SLC4A4: variants seen among roughly 807,000 people sequenced by gnomAD.
SLC4A4 encodes the protein electrogenic sodium bicarbonate cotransporter 1.
In SLC4A4, 27 loss-of-function variants were observed where a neutral mutation model predicts 111.5. The observed-to-expected ratio is 0.24, with a 90% confidence interval of 0.18 to 0.33. The LOEUF (loss-of-function observed/expected upper bound fraction) is 0.33, where lower values mean the gene tolerates loss of function less well. Ranked by LOEUF, SLC4A4 falls within the 10% of genes least tolerant of loss-of-function variation. The pLI is 1.00. For missense variants in SLC4A4, 909 were observed against 1,315.5 expected, an observed-to-expected ratio of 0.69 and a Z score of 4.78; for synonymous variants, 443 against 463.4, an observed-to-expected ratio of 0.96 and a Z score of 0.57.
intron 7 of SLC4A4, among the ~76,000 whole-genome samples, chr4:71,422,271 C>T (rs1233074148): frequency 1.4e-5 from 2 of 143,514 alleles, no homozygotes; most frequent in East Asian, 4.0e-4. Flanking sequence ...CATACACTCT[C>T]CCAAGACTAA....
intron 3 of SLC4A4, among the ~76,000 whole-genome samples, chr4:71,268,075 G>GTGT (rs1722422390): frequency 1.1e-5 from 1 of 87,590 alleles, no homozygotes; most frequent in Non-Finnish European, 2.0e-5. Flanking sequence ...ATAAAGTAGT[G>GTGT]TTTTTTTTTT....
intron 17 of SLC4A4, 122 bp downstream of exon 17, chr4:71,532,297 A>C: frequency 1.4e-6 from 1 of 727,148 alleles, no homozygotes; most frequent in African/African-American, 1.8e-5. Context: ...TTTTTCCAAA[A>C]TCAGTCCCTC....
At chr4:71,443,554 G>A (rs1724966341) in intron 8 of SLC4A4, among the ~76,000 whole-genome samples, 1 of 152,156 alleles carries the variant, frequency 6.6e-6, no homozygotes, top group African/African-American at 2.4e-5. Flanking sequence ...GCTGGGAATA[G>A]AACTTTAAAT....
At chr4:71,375,180 A>G (rs1214229102) in intron 6 of SLC4A4, among the ~76,000 whole-genome samples, 2 of 152,048 alleles carry the variant, frequency 1.3e-5, no homozygotes, top group Non-Finnish European at 2.9e-5. Context: ...CGCATCTTAC[A>G]CTTTGTTCCA....
At chr4:71,380,168 T>C (rs1278792719) in intron 6 of SLC4A4, among the ~76,000 whole-genome samples, 1 of 152,158 alleles carries the variant, frequency 6.6e-6, no homozygotes, top group Non-Finnish European at 1.5e-5. Context: ...GTAGTAGAAT[T>C]TGAGAATTAG....
chr4:71,133,606 G>C (rs1743766931), intron 2 of SLC4A4, among the ~76,000 whole-genome samples: 1 of 152,160 alleles, frequency 6.6e-6, no homozygotes, highest in Non-Finnish European at 1.5e-5. Flanking sequence ...AGAAGTCCCA[G>C]GCCTTTTTTA....
chr4:71,233,752 G>A (rs1378913199), intron 1 of SLC4A4, among the ~76,000 whole-genome samples: 1 of 152,014 alleles, frequency 6.6e-6, no homozygotes, highest in Non-Finnish European at 1.5e-5. Flanking sequence ...CCAACAACTT[G>A]TTTCTCCCAT....
chr4:71,084,739 T>C (rs1007656202), intron 1 of SLC4A4, among the ~76,000 whole-genome samples: 1 of 151,718 alleles, frequency 6.6e-6, no homozygotes, highest in Non-Finnish European at 1.5e-5. Context: ...CGAACTCACC[T>C]TTTTTTATGG....
chr4:71,252,086 G>A (rs2149056846), intron 2 of SLC4A4, among the ~76,000 whole-genome samples: 1 of 152,176 alleles, frequency 6.6e-6, no homozygotes. Flanking sequence ...CCCTTAAACA[G>A]GTAAAGAGAT....
At chr4:71,497,417 A>G (rs1442667030) in intron 15 of SLC4A4, 84 bp from the exon 16 acceptor site, 2 of 1,135,234 alleles carry the variant, frequency 1.8e-6, no homozygotes, top group African/African-American at 3.1e-5. Context: ...CTTTTGGTAT[A>G]ATTCCTATAG....
intron 4 of SLC4A4, among the ~76,000 whole-genome samples, chr4:71,342,184 C>T (rs1189000259): frequency 6.6e-6 from 1 of 152,196 alleles, no homozygotes; most frequent in Non-Finnish European, 1.5e-5. Context: ...TCCCAGGATA[C>T]ATCAACTGTT....
intron 1 of SLC4A4, among the ~76,000 whole-genome samples, chr4:71,063,245 C>T (rs953917570): frequency 2.0e-5 from 3 of 152,122 alleles, no homozygotes; most frequent in East Asian, 1.9e-4. Flanking sequence ...GGGCATTTTA[C>T]GAATAATACA....
intron 2 of SLC4A4, among the ~76,000 whole-genome samples, chr4:71,169,147 T>C (rs1458225560): frequency 1.3e-5 from 2 of 152,032 alleles, no homozygotes; most frequent in African/African-American, 4.8e-5. Context: ...GTAGCTGGGA[T>C]TACAGGCATG....
At chr4:71,301,004 C>A in intron 3 of SLC4A4, 2 of 454,176 alleles carry the variant, frequency 4.4e-6, no homozygotes, top group South Asian at 3.5e-5. Flanking sequence ...GTGGGGGCCC[C>A]CTACAGCCAT....
chr4:71,167,617 AT>A lies in SLC4A4; in HGVS notation c.-1-68954del, dbSNP rs539900316. On this transcript the variant is annotated intron_variant, in intron 2 of 26. Coordinates refer to the SLC4A4 transcript ENST00000649996. ...GTTATGTTAAAAGTGAAATGTTAAC[AT>A]TTTTGTGATGTTGATTATTTATTAG... 4.1e-3 allele frequency among the ~76,000 whole-genome samples: 630 copies of A among 152,336 alleles called. 8 individuals carry two copies. The highest frequency in any genetic ancestry group is 0.014 in the African/African-American group (590 of 41,582).
At chr4:71,149,006 C>A (rs1337164106) in intron 2 of SLC4A4, among the ~76,000 whole-genome samples, 1 of 152,188 alleles carries the variant, frequency 6.6e-6, no homozygotes, top group Non-Finnish European at 1.5e-5. Flanking sequence ...ACACTCCCAA[C>A]AACAGTGTAT....
At chr4:71,364,518 A>G (rs78453043) in intron 6 of SLC4A4, among the ~76,000 whole-genome samples, 3,297 of 152,248 alleles carry the variant, frequency 0.022, 113 homozygotes, top group East Asian at 0.12. Flanking sequence ...GGTACCAGCA[A>G]ATTTACTGAC....
chr4:71,209,881 CATT>C (rs1462575168), intron 1 of SLC4A4, among the ~76,000 whole-genome samples: 1 of 152,090 alleles, frequency 6.6e-6, no homozygotes, highest in African/African-American at 2.4e-5. Context: ...TTTATTTCAT[CATT>C]ATTATTTTTA....
intron 8 of SLC4A4, among the ~76,000 whole-genome samples, chr4:71,447,430 A>G (rs548089690): frequency 6.6e-6 from 1 of 152,322 alleles, no homozygotes; most frequent in African/African-American, 2.4e-5. Flanking sequence ...TCTATGCTAT[A>G]TTCTCATTTG....
Sources: allele counts gnomAD v4.1 joint callset (sites outside exome capture counted in the v4.1 genomes callset), GRCh38; gene constraint gnomAD v4.1.1; transcripts MANE v1.5; gene names NCBI Gene and HGNC (gene_info 2026-07-23, HGNC 2026-07-21).